CRIP2: variants seen among roughly 807,000 people sequenced by gnomAD.
The protein encoded by CRIP2 is cysteine-rich protein 2.
CRIP2 carries 31 observed loss-of-function variants against 31.3 expected under a neutral mutation model. That is an observed-to-expected ratio of 0.99 (90% CI 0.74 to 1.34). The LOEUF (loss-of-function observed/expected upper bound fraction) is 1.34, where lower values mean the gene tolerates loss of function less well. CRIP2 is among the 40% of genes most tolerant of loss of function. CRIP2 has a pLI of 0.00. For missense variants in CRIP2, 389 were observed against 301.6 expected, an observed-to-expected ratio of 1.29 and a Z score of -2.15; for synonymous variants, 177 against 127.2, an observed-to-expected ratio of 1.39 and a Z score of -2.63.
In CRIP2 at chr14:105,478,434, G is replaced by A. The variant is rs1555436394; in HGVS notation, c.139-16G>A. 4 of 1,599,578 alleles carry A rather than the reference G, an allele frequency of 2.5e-6. No individual in the cohort carries two copies. The highest frequency in any genetic ancestry group is 3.4e-6 in the Non-Finnish European group (4 of 1,176,838). On this transcript the variant is annotated splice_polypyrimidine_tract_variant and intron_variant, in intron 2 of 7. Transcript: ENST00000329146. The surrounding 1 kb of genome is among the most constrained non-coding windows in gnomAD (Gnocchi z 4.9). ...CCACCCTCAGGCAGGGTCCTGACCC[G>A]CGCCCCTCTGCGCAGCATGACGGGA...
Position 105,478,312 on chromosome 14 carries a change from C to G in CRIP2, c.90C>G (p.Leu30=), listed in dbSNP as rs1555436342. ...GGAAGGACTGGCACAAGTTCTGCCT[C>G]AAGTGCGAGCGCTGCAGCAAGACGC... ...SLGKDWHKFC[L]KCERCSKTLT... is the part of the protein sequence containing the mutation. The change falls in exon 2 of 8, where the codon CTC becomes CTG. Residue 30 remains leucine (L), a synonymous_variant. Coordinates refer to ENST00000329146, the MANE Select transcript of CRIP2 (RefSeq NM_001312.4). The surrounding 1 kb of genome is among the most constrained non-coding windows in gnomAD (Gnocchi z 4.9). 1.3e-6 allele frequency: 2 copies of G among 1,572,798 alleles called. No individual in the cohort carries two copies. The highest frequency in any genetic ancestry group is 8.6e-7 in the Non-Finnish European group (1 of 1,161,874).
At chr14:105,476,440 C>T (rs781941361) in intron 1 of CRIP2, 27 of 985,376 alleles carry the variant, frequency 2.7e-5, no homozygotes, top group African/African-American at 2.6e-4. Flanking sequence ...GCTGGGATGT[C>T]GGAGCACATT....
At chr14:105,473,223 G>A, upstream of CRIP2, 2 of 1,533,290 alleles carry the variant, frequency 1.3e-6, no homozygotes, top group Non-Finnish European at 1.7e-6. Flanking sequence ...AGGGAGGAAG[G>A]GCTGCCCAGA....
At position 105,478,069 on chromosome 14, in the gene CRIP2, G is replaced by T. The variant is rs2083987529; in HGVS notation, c.44-197G>T. On this transcript the variant is annotated intron_variant, in intron 1 of 7. Transcript: ENST00000329146. This position sits in a 1 kb window ranked among gnomAD's most constrained non-coding sequence, Gnocchi z 4.9. ...CTGGGGGCGCTGAGACCCAGAGGGA[G>T]AACAGGGCCTGGGGGCGACGGGCTC... Among the ~76,000 whole-genome samples, 1 of 151,360 alleles carries T rather than the reference G, an allele frequency of 6.6e-6. No individual in the cohort carries two copies. Among genetic ancestry groups the T allele is most frequent in the South Asian group, 2.1e-4 (1 of 4,802 alleles).
chr14:105,476,005 C>G (rs587599031), intron 1 of CRIP2: 1 of 985,506 alleles, frequency 1.0e-6, no homozygotes, highest in East Asian at 1.1e-4. Flanking sequence ...GTATTTTGCC[C>G]GTCCCAGAGG....
chr14:105,478,905 G>C lies in CRIP2; in HGVS notation c.337+34G>C. On this transcript the variant is annotated intron_variant, in intron 4 of 7. Transcript: ENST00000329146. This position sits in a 1 kb window ranked among gnomAD's most constrained non-coding sequence, Gnocchi z 4.9. ...GGCGCGGGCTGGGGCTGGGGGTTGT[G>C]GGCACGCGCGGGCTGGGGCTGGGGG... The C allele has an allele frequency of 1.3e-6, 2 of 1,482,758 alleles. No homozygotes were observed. The highest frequency in any genetic ancestry group is 1.4e-5 in the African/African-American group (1 of 69,746). 91.9% of individuals were successfully genotyped at this position (1,482,758 alleles called of 1,614,324 possible).
upstream of CRIP2, chr14:105,473,341 G>A (rs1375535718): frequency 8.6e-7 from 1 of 1,167,718 alleles, no homozygotes; most frequent in Middle Eastern, 2.4e-4. Context: ...GGGGCGGGGG[G>A]CATGTTTCTG....
At position 105,479,654 on chromosome 14, in the gene CRIP2, G is replaced by A. The variant is rs1381201247; in HGVS notation, c.*1G>A. On this transcript the variant is annotated 3_prime_UTR_variant, in exon 8 of 8. Coordinates refer to ENST00000329146, the MANE Select transcript of CRIP2 (RefSeq NM_001312.4). ...CCCCGAAGGCAAGGTCCAGCCCTAGGCTACAGCGGCTCTCATGATGTGGGC... is the reference window on the plus strand; with the variant it reads ...CCCCGAAGGCAAGGTCCAGCCCTAGACTACAGCGGCTCTCATGATGTGGGC... The A allele has an allele frequency of 1.2e-6, 2 of 1,611,258 alleles. No individual in the cohort carries two copies. Among genetic ancestry groups the A allele is most frequent in the East Asian group, 2.2e-5 (1 of 44,836 alleles).
intron 1 of CRIP2, chr14:105,476,349 G>T: frequency 1.0e-6 from 1 of 985,484 alleles, no homozygotes; most frequent in Non-Finnish European, 1.2e-6. Flanking sequence ...TGCCTGGGAG[G>T]CACTGTGAGG....
rs1379786951 is a variant in CRIP2 at position 105,480,021 on chromosome 14, C to T, written c.*368C>T. ...ATGCTCCCTTCGTGGGTGATGGCCA[C>T]GCCCTCACCATGTCCCTGGCAGAGG... On this transcript the variant is annotated 3_prime_UTR_variant, in exon 8 of 8. Transcript: ENST00000329146. 7.5e-6 allele frequency: 2 copies of T among 266,892 alleles called. No individual in the cohort carries two copies. Among genetic ancestry groups the T allele is most frequent in the African/African-American group, 2.2e-5 (1 of 45,066 alleles). The allele number at this position is 266,892 out of a possible 1,614,324, so 16.5% of individuals were successfully genotyped here.
Position 105,479,897 on chromosome 14 carries a change from G to A in CRIP2, c.*244G>A, listed in dbSNP as rs587727057. 1.8e-5 allele frequency: 10 copies of A among 568,134 alleles called. No individual in the cohort carries two copies. The Admixed American group carries it at 2.1e-4, about 12-fold the overall frequency. 35.2% of individuals were successfully genotyped at this position (568,134 alleles called of 1,614,324 possible). ...TCTGTGTCTGCGTGTCCGAATCCCC[G>A]TGTGACCCTGTCCCAGCATTTTCCC... is the stretch of plus-strand genomic sequence containing the variant. On this transcript the variant is annotated 3_prime_UTR_variant, in exon 8 of 8. Coordinates refer to ENST00000329146, the MANE Select transcript of CRIP2 (RefSeq NM_001312.4).
chr14:105,475,817 G>A (rs1419323088), intron 1 of CRIP2: 4 of 985,306 alleles, frequency 4.1e-6, no homozygotes, highest in Non-Finnish European at 4.8e-6. Flanking sequence ...TAAGGTCCCT[G>A]CCCACCTACC....
chr14:105,474,662 G>C, upstream of CRIP2: 2 of 537,652 alleles, frequency 3.7e-6, no homozygotes, highest in Non-Finnish European at 4.7e-6. The surrounding 1 kb of genome is among the most constrained non-coding windows in gnomAD (Gnocchi z 5.1). Context: ...CGGCTGCCCC[G>C]CACCCGCCAC....
At position 105,479,601 on chromosome 14, in the gene CRIP2, CG is replaced by C; in HGVS notation, c.577del (p.Val193TrpfsTer23). The C allele has an allele frequency of 6.2e-7, 1 of 1,612,764 alleles. No individual in the cohort carries two copies. Among genetic ancestry groups the C allele is most frequent in the Non-Finnish European group, 8.5e-7 (1 of 1,179,934 alleles). ...LFGPKGVNTGAVGSYIYDRDP... is the reference protein window; with the variant it reads ...LFGPKGVNTGXVGSYIYDRDP... ...CCCTCCACAGGAGTGAACACCGGTG[CG>C]GTGGGCAGCTACATCTATGACCGGG... On this transcript the variant is annotated frameshift_variant, in exon 8 of 8. Coordinates refer to ENST00000329146, the MANE Select transcript of CRIP2 (RefSeq NM_001312.4). LOFTEE classifies it high-confidence loss of function.
Position 105,479,508 on chromosome 14 carries a change from G to A in CRIP2, c.559+15G>A. 1 of 1,612,874 alleles carries A rather than the reference G, an allele frequency of 6.2e-7. No homozygotes were observed. The highest frequency in any genetic ancestry group is 2.2e-5 in the East Asian group (1 of 44,858). On this transcript the variant is annotated intron_variant, in intron 7 of 7. Coordinates refer to ENST00000329146, the MANE Select transcript of CRIP2 (RefSeq NM_001312.4). ...CGGACCCAAGGGTGAGTGTAGCCAG[G>A]GTGGTCCACGATGTCTTCCCTGCCC...
In CRIP2 at chr14:105,476,347, A is replaced by G. The variant is rs1214858120; in HGVS notation, c.43+1442A>G. On this transcript the variant is annotated intron_variant, in intron 1 of 7. Coordinates refer to ENST00000329146, the MANE Select transcript of CRIP2 (RefSeq NM_001312.4). ...CCGGCTGGCTTCTGTCCTGCCTGGG[A>G]GGCACTGTGAGGGCGAGGGTCCAGA... 6 of 985,266 alleles carry G rather than the reference A, an allele frequency of 6.1e-6. No homozygotes were observed. The East Asian group carries it at 6.8e-4, about 112-fold the overall frequency. 61.0% of individuals were successfully genotyped at this position (985,266 alleles called of 1,614,324 possible).
intron 1 of CRIP2, chr14:105,477,260 A>G: frequency 1.0e-6 from 1 of 985,262 alleles, no homozygotes; most frequent in Non-Finnish European, 1.2e-6. Flanking sequence ...CAGTAGCCCC[A>G]GTGTGGGGGT....
upstream of CRIP2, chr14:105,474,750 C>T: frequency 9.2e-7 from 1 of 1,082,208 alleles, no homozygotes; most frequent in Non-Finnish European, 1.1e-6. The surrounding 1 kb of genome is among the most constrained non-coding windows in gnomAD (Gnocchi z 5.1). Flanking sequence ...AGGCCCCGCC[C>T]CGGCCGCGGA....
rs1185650292 is a variant in CRIP2 at position 105,479,840 on chromosome 14, C to G, written c.*187C>G. On this transcript the variant is annotated 3_prime_UTR_variant, in exon 8 of 8. Coordinates refer to ENST00000329146, the MANE Select transcript of CRIP2 (RefSeq NM_001312.4). ...CCCGAGTCTCTGGTGTGTCTGCCCCCTCTGGCATCCTCTGGGCGTCCCATG... is the reference window on the plus strand; with the variant it reads ...CCCGAGTCTCTGGTGTGTCTGCCCCGTCTGGCATCCTCTGGGCGTCCCATG... 4.8e-6 allele frequency: 3 copies of G among 626,060 alleles called. No individual in the cohort carries two copies. Among genetic ancestry groups the G allele is most frequent in the Non-Finnish European group, 8.5e-6 (3 of 353,756 alleles). 38.8% of individuals were successfully genotyped at this position (626,060 alleles called of 1,614,324 possible).
Sources: gnomAD v4.1 joint callset for allele counts (sites outside exome capture counted in the v4.1 genomes callset) on GRCh38, gnomAD v4.1.1 for gene constraint, Gnocchi (gnomAD v3.1) non-coding constraint, MANE v1.5 for transcripts, NCBI Gene and HGNC (gene_info 2026-07-23, HGNC 2026-07-21) for gene names.